DLC1: variants seen among roughly 807,000 people sequenced by gnomAD.
DLC1 encodes the protein rho GTPase-activating protein 7.
In DLC1, 54 loss-of-function variants were observed where a neutral mutation model predicts 140.3. The ratio of observed to expected loss-of-function variants is 0.38; its 90% CI spans 0.31 to 0.48. The LOEUF is 0.48. Ranked by LOEUF, DLC1 falls within the 20% of genes least tolerant of loss-of-function variation. DLC1 has a pLI of 0.96. For missense variants in DLC1, 2,536 were observed against 1,907.0 expected, an observed-to-expected ratio of 1.33 and a Z score of -6.14; for synonymous variants, 986 against 728.1, an observed-to-expected ratio of 1.35 and a Z score of -5.70.
chr8:13,491,599 A>T (rs780074638), intron 2 of DLC1, among the ~76,000 whole-genome samples: 1 of 152,068 alleles, frequency 6.6e-6, no homozygotes, highest in South Asian at 2.1e-4. Flanking sequence ...AACATTTACT[A>T]CTCATCGTTT....
Position 13,331,545 on chromosome 8 carries a change from T to G in DLC1, c.1315-26243A>C, listed in dbSNP as rs192138659. 4.1e-3 allele frequency among the ~76,000 whole-genome samples: 626 copies of G among 152,294 alleles called. 4 individuals carry two copies. Among genetic ancestry groups the G allele is most frequent in the African/African-American group, 0.014 (568 of 41,570 alleles). ...TCAAAAAAGGGAAAGAATCAGTATG[T>G]GTAATTTTGTCACATAGCTGAATTC... is the stretch of plus-strand genomic sequence containing the variant. On this transcript the variant is annotated intron_variant, in intron 4 of 17. Transcript: ENST00000276297.
At chr8:13,303,604 C>A (rs895135986) in intron 5 of DLC1, among the ~76,000 whole-genome samples, 1 of 152,076 alleles carries the variant, frequency 6.6e-6, no homozygotes, top group East Asian at 1.9e-4. Context: ...GAGTTTGAGA[C>A]TAGCCTGGCC....
At chr8:13,345,684 AG>A (rs1444161836) in intron 4 of DLC1, among the ~76,000 whole-genome samples, 1 of 149,214 alleles carries the variant, frequency 6.7e-6, no homozygotes, top group Non-Finnish European at 1.5e-5. Context: ...CAGCCTCCCG[AG>A]TAGCTGGGAT....
chr8:13,501,547 T>G (rs1801820116), intron 1 of DLC1, among the ~76,000 whole-genome samples: 1 of 152,228 alleles, frequency 6.6e-6, no homozygotes, highest in Non-Finnish European at 1.5e-5. Flanking sequence ...TCGATCTCTT[T>G]AGTCTATTCT....
chr8:13,550,096 T>A (rs919454408), intron 1 of DLC1, among the ~76,000 whole-genome samples: 2 of 152,126 alleles, frequency 1.3e-5, no homozygotes, highest in African/African-American at 2.4e-5. Flanking sequence ...TGATATGGTT[T>A]GGCTCTTTGT....
At chr8:13,582,416 A>C (rs1290567202) in intron 1 of DLC1, among the ~76,000 whole-genome samples, 1 of 152,150 alleles carries the variant, frequency 6.6e-6, no homozygotes, top group Non-Finnish European at 1.5e-5. Context: ...GAGTCAGTGG[A>C]CTGGGGAAGG....
chr8:13,238,021 G>A (rs1370367451), intron 5 of DLC1, among the ~76,000 whole-genome samples: 2 of 152,148 alleles, frequency 1.3e-5, no homozygotes, highest in Non-Finnish European at 2.9e-5. Flanking sequence ...ATCCTTTGGA[G>A]TAAATTAACA....
At chr8:13,578,056 T>G (rs1804908754) in intron 1 of DLC1, among the ~76,000 whole-genome samples, 1 of 152,074 alleles carries the variant, frequency 6.6e-6, no homozygotes, top group Admixed American at 6.6e-5. Flanking sequence ...CAACAATTTG[T>G]TTTTTAAAAA....
chr8:13,437,249 G>A (rs1839161141), intron 2 of DLC1, among the ~76,000 whole-genome samples: 1 of 152,154 alleles, frequency 6.6e-6, no homozygotes, highest in African/African-American at 2.4e-5. Flanking sequence ...AGTGCAAATA[G>A]GGGAAGGAGA....
chr8:13,166,239 C>T (rs974226127), intron 5 of DLC1, among the ~76,000 whole-genome samples: 10 of 152,166 alleles, frequency 6.6e-5, no homozygotes, highest in African/African-American at 2.4e-4. Flanking sequence ...GTGTGTCTGC[C>T]GTTGCTCCTG....
chr8:13,208,654 C>T (rs941510987), intron 5 of DLC1, among the ~76,000 whole-genome samples: 4 of 151,564 alleles, frequency 2.6e-5, no homozygotes, highest in African/African-American at 9.7e-5. Flanking sequence ...ACTTTGGAAC[C>T]GTGGCTTAAG....
At chr8:13,453,852 T>C (rs1799268632) in intron 2 of DLC1, among the ~76,000 whole-genome samples, 1 of 152,024 alleles carries the variant, frequency 6.6e-6, no homozygotes. Context: ...TGTTTCTGAT[T>C]TATGCATATT....
chr8:13,546,700 G>A (rs576349002), intron 1 of DLC1, among the ~76,000 whole-genome samples: 54 of 152,230 alleles, frequency 3.5e-4, no homozygotes, highest in African/African-American at 1.2e-3. Context: ...GAAAACCAGC[G>A]TTAGAGGACA....
At chr8:13,571,842 G>A (rs1347490890) in intron 1 of DLC1, among the ~76,000 whole-genome samples, 1 of 152,106 alleles carries the variant, frequency 6.6e-6, no homozygotes, top group Non-Finnish European at 1.5e-5. Context: ...CAAGGATTCG[G>A]ATTTTTTCAC....
chr8:13,328,617 T>A (rs1008135865), intron 4 of DLC1, among the ~76,000 whole-genome samples: 13 of 152,180 alleles, frequency 8.5e-5, no homozygotes, highest in Admixed American at 6.5e-5. Flanking sequence ...AATAGAGGTC[T>A]TGGCTGAAAT....
At chr8:13,304,633 C>A in intron 5 of DLC1, 2 of 901,936 alleles carry the variant, frequency 2.2e-6, no homozygotes, top group Non-Finnish European at 2.7e-6. Flanking sequence ...TACCTTTAAT[C>A]TGTTTTCGTT....
At chr8:13,203,206 T>G (rs1309849712) in intron 5 of DLC1, among the ~76,000 whole-genome samples, 1 of 152,208 alleles carries the variant, frequency 6.6e-6, no homozygotes, top group Admixed American at 6.5e-5. Flanking sequence ...ACTCACTAGT[T>G]TCTACATTTT....
chr8:13,098,129 G>C (rs571161573), intron 10 of DLC1, among the ~76,000 whole-genome samples: 1 of 151,666 alleles, frequency 6.6e-6, no homozygotes, highest in Non-Finnish European at 1.5e-5. Context: ...GGAGCCTCAG[G>C]TGGGAGAATC....
intron 5 of DLC1, among the ~76,000 whole-genome samples, chr8:13,263,290 A>AT (rs1366918219): frequency 6.6e-6 from 1 of 151,574 alleles, no homozygotes; most frequent in Non-Finnish European, 1.5e-5. Context: ...TCTGAATTAC[A>AT]TTTTTTTCTT....
Sources: allele counts gnomAD v4.1 joint callset (sites outside exome capture counted in the v4.1 genomes callset), GRCh38; gene constraint gnomAD v4.1.1; transcripts MANE v1.5; gene names NCBI Gene and HGNC (gene_info 2026-07-23, HGNC 2026-07-21).